Variants in MTAP observed in about 807,000 individuals in gnomAD.
The protein encoded by MTAP is S-methyl-5'-thioadenosine phosphorylase.
MTAP carries 33 observed loss-of-function variants against 33.6 expected under a neutral mutation model. The observed-to-expected ratio is 0.98, with a 90% CI of 0.74 to 1.31. The LOEUF is 1.31. Among genes scored for constraint, MTAP ranks in the 40% most tolerant of loss-of-function variants. The pLI is 0.00. For synonymous variants in MTAP, 148 were observed against 125.7 expected, an observed-to-expected ratio of 1.18 and a Z score of -1.19; for missense variants, 367 against 360.0, an observed-to-expected ratio of 1.02 and a Z score of -0.16.
chr9:21,835,099 A>T (rs935820642), intron 4 of MTAP, among the ~76,000 whole-genome samples: 2 of 152,188 alleles, frequency 1.3e-5, no homozygotes, highest in African/African-American at 4.8e-5. Flanking sequence ...CTACTTTCTC[A>T]CAGATAGCAC....
intron 1 of MTAP, among the ~76,000 whole-genome samples, chr9:21,879,753 C>CT (rs1817976311): frequency 6.6e-6 from 1 of 152,090 alleles, no homozygotes; most frequent in Admixed American, 6.5e-5. Context: ...TCAACATTTG[C>CT]TTATCTGTAA....
At chr9:21,851,017 A>G (rs972123699) in intron 5 of MTAP, among the ~76,000 whole-genome samples, 6 of 152,074 alleles carry the variant, frequency 3.9e-5, no homozygotes, top group Admixed American at 1.3e-4. Context: ...TCAGTCTACT[A>G]CTCCACAATG....
chr9:21,847,357 A>G (rs900064851), intron 5 of MTAP, among the ~76,000 whole-genome samples: 10 of 152,216 alleles, frequency 6.6e-5, no homozygotes, highest in African/African-American at 2.4e-4. Context: ...TTCTAGAGGA[A>G]CAGAATATTA....
intron 6 of MTAP, chr9:21,856,159 A>G (rs1465155077): frequency 2.0e-6 from 2 of 985,282 alleles, no homozygotes; most frequent in African/African-American, 3.5e-5. Context: ...TAAAGGGACG[A>G]CAAAACTGCA....
chr9:21,837,694 G>C (rs1022271440), intron 4 of MTAP, among the ~76,000 whole-genome samples: 4 of 152,126 alleles, frequency 2.6e-5, no homozygotes, highest in Admixed American at 6.5e-5. Flanking sequence ...TTTAATTCTT[G>C]TTGTGCGGTG....
At chr9:21,937,444 T>G (rs991808279) in exon 8 of MTAP, 1 of 152,224 alleles carries the variant, frequency 6.6e-6, no homozygotes, top group Non-Finnish European at 1.5e-5. Context: ...GCTCCAGTTT[T>G]TAAAAGTGAT....
At chr9:21,934,173 G>C (rs1001823251), downstream of MTAP, 1 of 152,184 alleles carries the variant, frequency 6.6e-6, no homozygotes, top group Non-Finnish European at 1.5e-5. This position sits in a 1 kb window ranked among gnomAD's most constrained non-coding sequence, Gnocchi z 5.0. Context: ...GTTACAGGTT[G>C]GTGTTTGCCT....
At position 21,802,864 on chromosome 9, in the gene MTAP, G is replaced by T. The variant is rs555978805; in HGVS notation, c.33+83G>T. ...GCGCCGGGGGACCGCGCCTCCGGGG[G>T]CCATGCGCCCGGCCCGTGCGTCCCT... On this transcript the variant is annotated intron_variant, in intron 1 of 7. Coordinates refer to ENST00000644715, the MANE Select transcript of MTAP (RefSeq NM_002451.4). 6.4e-6 allele frequency: 10 copies of T among 1,570,048 alleles called. No individual in the cohort carries two copies. In the East Asian group the frequency reaches 1.4e-4, roughly 22 times the overall value.
intron 1 of MTAP, among the ~76,000 whole-genome samples, chr9:21,899,789 G>A (rs559687834): frequency 2.0e-5 from 3 of 152,198 alleles, no homozygotes; most frequent in African/African-American, 7.2e-5. Flanking sequence ...ATTTGGATGG[G>A]AACACAGAGC....
At chr9:21,842,570 C>G (rs1563842932) in intron 5 of MTAP, among the ~76,000 whole-genome samples, 1 of 152,182 alleles carries the variant, frequency 6.6e-6, no homozygotes, top group African/African-American at 2.4e-5. Context: ...AGAAATCTTA[C>G]AAGCCAGAAG....
At chr9:21,803,003 C>G in intron 1 of MTAP, 2 of 975,510 alleles carry the variant, frequency 2.1e-6, no homozygotes, top group South Asian at 2.1e-5. Flanking sequence ...CACACACACA[C>G]ACACACACAC....
chr9:21,865,778 CT>C lies in MTAP; in HGVS notation c.*3765del. The C allele has an allele frequency of 9.7e-7, 1 of 1,034,958 alleles. No individual in the cohort carries two copies. Among genetic ancestry groups the C allele is most frequent in the Non-Finnish European group, 1.2e-6 (1 of 855,386 alleles). The allele number at this position is 1,034,958 out of a possible 1,614,324, so 64.1% of individuals were successfully genotyped here. On this transcript the variant is annotated 3_prime_UTR_variant, in exon 8 of 8. Coordinates refer to ENST00000644715, the MANE Select transcript of MTAP (RefSeq NM_002451.4). ...AGGGGAATTTCTTCAGAAAGACAAT[CT>C]CGGCATGCATTATTTCTTTGTTTTG... is the stretch of plus-strand genomic sequence containing the variant.
chr9:21,860,026 A>G (rs1407802001), intron 7 of MTAP: 1 of 152,134 alleles, frequency 6.6e-6, no homozygotes, highest in Non-Finnish European at 1.5e-5. Flanking sequence ...AACTGATCAG[A>G]TATTGCATTC....
chr9:21,822,782 T>A (rs1824679720), intron 4 of MTAP, among the ~76,000 whole-genome samples: 1 of 152,186 alleles, frequency 6.6e-6, no homozygotes, highest in African/African-American at 2.4e-5. Flanking sequence ...TTTGTAGATC[T>A]CTAAGGACTT....
chr9:21,922,728 C>T lies in MTAP; in HGVS notation c.148-8280C>T, dbSNP rs567646546. On this transcript the variant is annotated intron_variant, in intron 1 of 1. Coordinates refer to the MTAP transcript ENST00000577563. The surrounding 1 kb of genome is among the most constrained non-coding windows in gnomAD (Gnocchi z 4.8). Reference sequence around the variant, plus strand: ...TCACTCTCCTGCCTTCCAACCAATTCCCAGAACTATTACTCTCAGCCACAG... The same window carrying T: ...TCACTCTCCTGCCTTCCAACCAATTTCCAGAACTATTACTCTCAGCCACAG... 9.2e-5 allele frequency among the ~76,000 whole-genome samples: 14 copies of T among 152,274 alleles called. No individual in the cohort carries two copies. In the East Asian group the frequency reaches 2.7e-3, roughly 29 times the overall value.
intron 1 of MTAP, among the ~76,000 whole-genome samples, chr9:21,914,786 A>AT (rs542179198): frequency 5.4e-5 from 8 of 149,088 alleles, no homozygotes; most frequent in African/African-American, 2.0e-4. Context: ...TATAATAATA[A>AT]AAAAAAAATA....
chr9:21,834,765 C>T (rs984369410), intron 4 of MTAP, among the ~76,000 whole-genome samples: 3 of 152,344 alleles, frequency 2.0e-5, no homozygotes, highest in African/African-American at 7.2e-5. Context: ...ATTCCATTTG[C>T]TCTCTTAGTT....
At chr9:21,869,858 A>G (rs1048104153), downstream of MTAP, among the ~76,000 whole-genome samples, 3 of 152,072 alleles carry the variant, frequency 2.0e-5, no homozygotes, top group African/African-American at 7.2e-5. Flanking sequence ...AGGAGGCAGA[A>G]TGATCTGTAC....
At chr9:21,833,673 C>T (rs1035564531) in intron 4 of MTAP, among the ~76,000 whole-genome samples, 4 of 152,296 alleles carry the variant, frequency 2.6e-5, no homozygotes, top group Non-Finnish European at 4.4e-5. Flanking sequence ...AATTGACTCA[C>T]GATTCTGCAT....
Sources: allele counts gnomAD v4.1 joint callset (sites outside exome capture counted in the v4.1 genomes callset), GRCh38; gene constraint gnomAD v4.1.1; non-coding constraint Gnocchi (gnomAD v3.1); transcripts MANE v1.5; gene names NCBI Gene and HGNC (gene_info 2026-07-23, HGNC 2026-07-21).